Variants in BEST3 observed in about 807,000 individuals in gnomAD.
BEST3 encodes the protein bestrophin-3.
Under a neutral mutation model 47.1 loss-of-function variants are expected in BEST3, and 50 were observed. The ratio of observed to expected loss-of-function variants is 1.06; its 90% CI spans 0.85 to 1.34. BEST3 has a LOEUF of 1.34. Ranked by LOEUF, BEST3 falls within the 40% of genes most tolerant of loss-of-function variation. The probability of loss-of-function intolerance (pLI) is 0.00; values close to 1 mark genes in which losing one functional copy is unlikely to be tolerated. For missense variants in BEST3, 765 were observed against 817.0 expected (o/e 0.94, Z 0.78); for synonymous variants, 282 against 298.8 (o/e 0.94, Z 0.58).
In BEST3 at chr12:69,699,224, T is replaced by A. The variant is rs778109805; in HGVS notation, c.-35A>T. 5.2e-5 allele frequency: 51 copies of A among 985,308 alleles called. No homozygotes were observed. The highest frequency in any genetic ancestry group is 5.9e-5 in the Non-Finnish European group (49 of 829,924). 61.0% of individuals were successfully genotyped at this position (985,308 alleles called of 1,614,324 possible). On this transcript the variant is annotated 5_prime_UTR_variant, in exon 1 of 10. Coordinates refer to ENST00000330891, the MANE Select transcript of BEST3 (RefSeq NM_032735.3). ...ACTAACCTATTTATTTGGTTTGTAG[T>A]CTCCGACAGGAAAGAGAATCTTCAA...
intron 9 of BEST3, chr12:69,661,055 A>G (rs967142024): frequency 3.9e-5 from 6 of 152,192 alleles, no homozygotes; most frequent in African/African-American, 1.4e-4. Context: ...CTGCTGCCAT[A>G]ACAAAGAGGC....
intron 4 of BEST3, among the ~76,000 whole-genome samples, chr12:69,680,861 A>G (rs1376655452): frequency 1.3e-5 from 2 of 152,128 alleles, no homozygotes; most frequent in Non-Finnish European, 2.9e-5. Context: ...TTTCAGGTAT[A>G]TCTTGAAGAT....
intron 9 of BEST3, among the ~76,000 whole-genome samples, chr12:69,671,034 C>A (rs1413977674): frequency 6.6e-6 from 1 of 152,060 alleles, no homozygotes; most frequent in Non-Finnish European, 1.5e-5. Context: ...GTGTTAAAAC[C>A]ACTGAACAGA....
At chr12:69,684,554 TA>T in intron 4 of BEST3, 1 of 677,758 alleles carries the variant, frequency 1.5e-6, no homozygotes, top group Non-Finnish European at 2.8e-6. Context: ...GCAGAGGAAC[TA>T]AAAGCTCTGC....
At chr12:69,661,473 A>T (rs1408126371) in intron 9 of BEST3, 2 of 152,232 alleles carry the variant, frequency 1.3e-5, no homozygotes, top group Non-Finnish European at 2.9e-5. Flanking sequence ...GGGAGCCGAT[A>T]ATTTGCCTGA....
chr12:69,689,193 A>G, intron 4 of BEST3: 1 of 985,530 alleles, frequency 1.0e-6, no homozygotes, highest in South Asian at 4.7e-5. Context: ...GGCAAAGGAC[A>G]GTCAGAGAGT....
At chr12:69,680,529 A>C (rs528376021) in intron 4 of BEST3, among the ~76,000 whole-genome samples, 2,938 of 151,924 alleles carry the variant, frequency 0.019, 47 homozygotes, top group South Asian at 0.053. Flanking sequence ...AGGATGTCTC[A>C]ATCTCCTGAC....
At chr12:69,662,091 A>G (rs1025980238) in intron 9 of BEST3, among the ~76,000 whole-genome samples, 2 of 152,234 alleles carry the variant, frequency 1.3e-5, no homozygotes, top group Non-Finnish European at 2.9e-5. Flanking sequence ...TTAAAGATGA[A>G]AACTGATTGC....
chr12:69,680,368 G>A (rs1232266839), intron 4 of BEST3, among the ~76,000 whole-genome samples: 1 of 133,012 alleles, frequency 7.5e-6, no homozygotes, highest in Non-Finnish European at 1.5e-5. Flanking sequence ...GAGTGCAGTG[G>A]CGCGATCTCA....
At chr12:69,686,779 C>CAAAAACAAAAAAAACA (rs1885625250) in intron 4 of BEST3, among the ~76,000 whole-genome samples, 1 of 99,382 alleles carries the variant, frequency 1.0e-5, no homozygotes, top group African/African-American at 4.9e-5. Context: ...CTCAAAAAAA[C>CAAAAACAAAAAAAACA]AAAAAAAAAA....
At chr12:69,690,093 C>A (rs1240120271) in intron 4 of BEST3, among the ~76,000 whole-genome samples, 1 of 152,160 alleles carries the variant, frequency 6.6e-6, no homozygotes, top group East Asian at 1.9e-4. Context: ...TATAATAATT[C>A]AGAGGGACTG....
intron 9 of BEST3, among the ~76,000 whole-genome samples, chr12:69,663,673 A>G (rs1408550646): frequency 1.3e-5 from 2 of 152,014 alleles, no homozygotes; most frequent in African/African-American, 2.4e-5. Context: ...CTTAAAAAAA[A>G]AGCCAGGCAT....
At chr12:69,670,558 A>G in intron 9 of BEST3, 1 of 702,806 alleles carries the variant, frequency 1.4e-6, no homozygotes, top group East Asian at 2.7e-5. Flanking sequence ...GGCAAAGGGA[A>G]CAGGGTTGAA....
chr12:69,657,340 C>G (rs914923486), intron 9 of BEST3, among the ~76,000 whole-genome samples: 28 of 152,090 alleles, frequency 1.8e-4, no homozygotes, highest in African/African-American at 5.8e-4. Context: ...AAATAATCTG[C>G]CCACCTTGCC....
chr12:69,676,990 C>A lies in BEST3; in HGVS notation c.793G>T (p.Ala265Ser), dbSNP rs114061225. The A allele has an allele frequency of 1.2e-6, 2 of 1,613,954 alleles. No homozygotes were observed. Among genetic ancestry groups the A allele is most frequent in the East Asian group, 2.2e-5 (1 of 44,878 alleles). Residue 265 changes from alanine to serine, a missense_variant, in exon 7 of 10, where the codon GCA (alanine) becomes TCA (serine). Coordinates refer to ENST00000330891, the MANE Select transcript of BEST3 (RefSeq NM_032735.3). ...RQFLDPTKGYAGHDLDLYIPI... is the reference protein window; with the variant it reads ...RQFLDPTKGYSGHDLDLYIPI... ...ATGTAAAGATCCAAGTCATGCCCTG[C>A]GTAGCCTTTGGTGGGATCCAAAAAC...
intron 9 of BEST3, chr12:69,660,525 A>G (rs1195122033): frequency 6.6e-6 from 1 of 152,222 alleles, no homozygotes; most frequent in Admixed American, 6.5e-5. Context: ...GGGAAGGAAG[A>G]GAGGTCTGCT....
At chr12:69,673,582 C>T (rs371479741) in intron 7 of BEST3, among the ~76,000 whole-genome samples, 56 of 152,172 alleles carry the variant, frequency 3.7e-4, no homozygotes, top group African/African-American at 1.3e-3. Flanking sequence ...GGACTACAGG[C>T]GAGCACTATC....
intron 4 of BEST3, among the ~76,000 whole-genome samples, chr12:69,691,511 G>C (rs1240986744): frequency 2.0e-5 from 3 of 152,074 alleles, no homozygotes; most frequent in Non-Finnish European, 2.9e-5. Flanking sequence ...AAAAGCAGTT[G>C]AGGCCAGGCA....
rs537800841 is a variant in BEST3 at position 69,669,640 on chromosome 12, A to G, written c.1100+1788T>C. 4.6e-5 allele frequency: 7 copies of G among 152,306 alleles called. No homozygotes were observed. In the South Asian group the frequency reaches 6.2e-4, roughly 14 times the overall value. 9.4% of individuals were successfully genotyped at this position (152,306 alleles called of 1,614,324 possible). Reference sequence around the variant, plus strand: ...AATAAAGCTTGACTAGGTGATAATAATCATCATGCTCTATGATTTTATATA... The same window carrying G: ...AATAAAGCTTGACTAGGTGATAATAGTCATCATGCTCTATGATTTTATATA... On this transcript the variant is annotated intron_variant, in intron 9 of 9. Transcript: ENST00000330891.
Sources: gnomAD v4.1 joint callset for allele counts (sites outside exome capture counted in the v4.1 genomes callset) on GRCh38, gnomAD v4.1.1 for gene constraint, MANE v1.5 for transcripts, NCBI Gene and HGNC (gene_info 2026-07-23, HGNC 2026-07-21) for gene names.